CCDC175: variants seen among roughly 807,000 people sequenced by gnomAD.
The protein encoded by CCDC175 is coiled-coil domain containing 175.
CCDC175 carries 100 observed loss-of-function variants against 114.6 expected under a neutral mutation model. That is an observed-to-expected ratio of 0.87 (90% CI 0.74 to 1.03). The LOEUF (loss-of-function observed/expected upper bound fraction) is 1.03. Ranked by LOEUF, CCDC175 falls within the 50% of genes least tolerant of loss-of-function variation. The pLI, the probability that CCDC175 is intolerant of heterozygous loss-of-function variation, is 0.00. For missense variants in CCDC175, 880 were observed against 917.8 expected (o/e 0.96, Z 0.53); for synonymous variants, 306 against 308.7 (o/e 0.99, Z 0.09).
chr14:59,522,113 C>T (rs1195634901), intron 16 of CCDC175, among the ~76,000 whole-genome samples: 3 of 152,196 alleles, frequency 2.0e-5, no homozygotes, highest in Admixed American at 6.5e-5. Flanking sequence ...TTACTCAAGT[C>T]AGATGTTCAC....
chr14:59,576,651 G>T lies in CCDC175; in HGVS notation c.125C>A (p.Ala42Glu), dbSNP rs1394714210. The stretch of plus-strand genomic sequence containing the variant: ...AAACAGCTGCTCCAGCGCCTCGACC[G>T]CGACCGAGGAGCCCAGGGTGGAGGG... ...TLPSTLGSSV[A>E]VEALEQLFVV... Residue 42 changes from alanine (A) to glutamate (E), a missense_variant, in exon 1 of 20, where the codon GCG (alanine) becomes GAG (glutamate). Transcript: ENST00000537690. 5 of 1,471,266 alleles carry T rather than the reference G, an allele frequency of 3.4e-6. No homozygotes were observed. The highest frequency in any genetic ancestry group is 4.5e-6 in the Non-Finnish European group (5 of 1,119,176). The allele number at this position is 1,471,266 out of a possible 1,614,324, so 91.1% of individuals were successfully genotyped here. A position where few individuals can be genotyped will look rare whatever the true frequency, so the allele number is the denominator to read the frequency against.
At chr14:59,540,866 C>G (rs948247793) in intron 10 of CCDC175, 120 bp from the exon 11 acceptor site, 2 of 826,690 alleles carry the variant, frequency 2.4e-6, no homozygotes, top group South Asian at 1.8e-5. Flanking sequence ...ACAAAATAAG[C>G]CTTGTGAAAC....
intron 16 of CCDC175, 109 bp from the exon 17 acceptor site, chr14:59,521,785 A>G (rs1893442027): frequency 6.1e-6 from 4 of 651,944 alleles, no homozygotes; most frequent in Admixed American, 2.4e-5. Context: ...GCCACCCACT[A>G]TTCTAGGTAC....
intron 11 of CCDC175, among the ~76,000 whole-genome samples, chr14:59,539,101 C>A (rs1329527946): frequency 6.6e-6 from 1 of 152,160 alleles, no homozygotes; most frequent in Non-Finnish European, 1.5e-5. Flanking sequence ...GGCAGCTTGC[C>A]TCCTTCAGGT....
chr14:59,565,185 G>A lies in CCDC175; in HGVS notation c.582C>T (p.Tyr194=). ...TTATTTTGGTATAAGTCTCATTTAT[G>A]TAAACAGTGGTGGTGGCTTTTTTCT... ...TMEKKATTTV[Y]INETYTKINL... The change falls in exon 5 of 20, where the codon TAC becomes TAT. Residue 194 remains tyrosine, a synonymous_variant. Coordinates refer to ENST00000537690, the MANE Select transcript of CCDC175 (RefSeq NM_001164399.2). 1 of 1,537,736 alleles carries A rather than the reference G, an allele frequency of 6.5e-7. No homozygotes were observed. Among genetic ancestry groups the A allele is most frequent in the Non-Finnish European group, 8.7e-7 (1 of 1,147,010 alleles).
At chr14:59,543,849 C>T (rs559233796) in intron 9 of CCDC175, among the ~76,000 whole-genome samples, 1 of 152,284 alleles carries the variant, frequency 6.6e-6, no homozygotes, top group South Asian at 2.1e-4. Context: ...AAAGAATATT[C>T]ACCACAATAG....
At position 59,561,122 on chromosome 14, in the gene CCDC175, T is replaced by A. The variant is rs1175352742; in HGVS notation, c.950A>T (p.Lys317Ile). ...AAAAATAAAGCATTACACTTACAGT[T>A]TCGCCTCCAGAATTGCAAGGTCTTT... ...LKKDLAILEA[K>I]LCFFTDNKEK... The change falls in exon 7 of 20, where the codon AAA (lysine) becomes ATA (isoleucine). Residue 317 changes from lysine (K) to isoleucine (I), a missense_variant. Coordinates refer to ENST00000537690, the MANE Select transcript of CCDC175 (RefSeq NM_001164399.2). 24 of 1,496,104 alleles carry A rather than the reference T, an allele frequency of 1.6e-5. No individual in the cohort carries two copies. Among genetic ancestry groups the A allele is most frequent in the Admixed American group, 1.4e-4 (7 of 50,866 alleles). The allele number at this position is 1,496,104 out of a possible 1,614,324, so 92.7% of individuals were successfully genotyped here.
chr14:59,516,643 C>T (rs1460639720), intron 17 of CCDC175, among the ~76,000 whole-genome samples: 1 of 152,144 alleles, frequency 6.6e-6, no homozygotes, highest in Non-Finnish European at 1.5e-5. Flanking sequence ...TCTGAATAGA[C>T]CAATAACAGG....
chr14:59,530,844 T>C (rs1894030337), intron 14 of CCDC175, among the ~76,000 whole-genome samples: 1 of 152,214 alleles, frequency 6.6e-6, no homozygotes, highest in Admixed American at 6.5e-5. Context: ...TTGTAGTCCT[T>C]TCTGTAACTT....
At chr14:59,519,976 T>C (rs949506177) in intron 17 of CCDC175, among the ~76,000 whole-genome samples, 12 of 152,222 alleles carry the variant, frequency 7.9e-5, no homozygotes, top group African/African-American at 2.7e-4. Flanking sequence ...GACACAGGAA[T>C]GAGTGAGTCT....
intron 8 of CCDC175, among the ~76,000 whole-genome samples, chr14:59,550,302 G>A (rs1334526823): frequency 1.3e-5 from 2 of 151,982 alleles, no homozygotes; most frequent in Non-Finnish European, 2.9e-5. Context: ...AATTTTAATT[G>A]TATTACTCAC....
At position 59,538,708 on chromosome 14, in the gene CCDC175, G is replaced by C. The variant is rs199705903; in HGVS notation, c.1488C>G (p.Asn496Lys). The change falls in exon 12 of 20, where the codon AAC becomes AAG. Residue 496 changes from asparagine (N) to lysine (K), a missense_variant. Physicochemically the swap from Asn to Lys is moderately conservative, Grantham distance 94. Coordinates refer to ENST00000537690, the MANE Select transcript of CCDC175 (RefSeq NM_001164399.2). ...TAAGTTCTTTCAGTTCTCTTACCTC[G>C]TTAAGTAATTCAATTCGTCTAACTT... ...NAEVRRIELLNETSFRQQEIS... is the reference protein window; with the variant it reads ...NAEVRRIELLKETSFRQQEIS... The C allele has an allele frequency of 4.9e-4, 758 of 1,533,718 alleles. 1 individual carries two copies. Among genetic ancestry groups the C allele is most frequent in the Middle Eastern group, 6.8e-4 (4 of 5,872 alleles).
chr14:59,562,465 A>G (rs903914560), intron 6 of CCDC175, among the ~76,000 whole-genome samples: 4 of 152,210 alleles, frequency 2.6e-5, no homozygotes, highest in Non-Finnish European at 5.9e-5. Context: ...GCAGTAGGCA[A>G]TATTAATACT....
At chr14:59,508,222 A>G (rs1892536172) in intron 19 of CCDC175, among the ~76,000 whole-genome samples, 1 of 151,912 alleles carries the variant, frequency 6.6e-6, no homozygotes, top group Non-Finnish European at 1.5e-5. Context: ...CCCTTCTTCC[A>G]AATATACTCT....
intron 7 of CCDC175, among the ~76,000 whole-genome samples, chr14:59,551,822 T>A (rs1224487730): frequency 1.3e-5 from 2 of 152,188 alleles, no homozygotes; most frequent in Non-Finnish European, 2.9e-5. Flanking sequence ...GGAGATTATA[T>A]CCCGCGCATG....
chr14:59,568,447 A>G (rs1896675922), intron 3 of CCDC175, 67 bp from the exon 4 acceptor site: 1 of 1,257,744 alleles, frequency 8.0e-7, no homozygotes, highest in Non-Finnish European at 1.0e-6. Flanking sequence ...ACTGACTTTC[A>G]CGCAAAAAAG....
At chr14:59,539,875 G>A (rs1193182125) in intron 11 of CCDC175, among the ~76,000 whole-genome samples, 2 of 152,104 alleles carry the variant, frequency 1.3e-5, no homozygotes, top group Non-Finnish European at 2.9e-5. Flanking sequence ...ACTTCAGCCT[G>A]GGCAATGGAG....
chr14:59,551,030 C>T (rs1365423613), intron 8 of CCDC175: 1 of 174,500 alleles, frequency 5.7e-6, no homozygotes, highest in Non-Finnish European at 1.2e-5. Context: ...AGGCGTAGCA[C>T]ACAACAGCAA....
At chr14:59,575,054 A>G in intron 1 of CCDC175, 26 bp from the exon 2 acceptor site, 1 of 1,275,106 alleles carries the variant, frequency 7.8e-7, no homozygotes, top group Non-Finnish European at 1.1e-6. Flanking sequence ...GAAAATAAAG[A>G]TCTCTTATTT....
Sources: allele counts gnomAD v4.1 joint callset (sites outside exome capture counted in the v4.1 genomes callset), GRCh38; gene constraint gnomAD v4.1.1; transcripts MANE v1.5; gene names NCBI Gene and HGNC (gene_info 2026-07-23, HGNC 2026-07-21).